Variants in SART3 observed in about 807,000 individuals in gnomAD.
SART3 encodes the protein HIV-1 Tat-interacting protein of 110kDa.
A neutral mutation model predicts 122.3 loss-of-function variants in SART3; 44 were observed. That is an observed-to-expected ratio of 0.36 (90% CI 0.28 to 0.46). The LOEUF (loss-of-function observed/expected upper bound fraction) is 0.46, where lower values mean the gene tolerates loss of function less well. Ranked by LOEUF, SART3 falls within the 20% of genes least tolerant of loss-of-function variation. The pLI, the probability that SART3 is intolerant of heterozygous loss-of-function variation, is 1.00. For synonymous variants in SART3, 442 were observed against 454.0 expected (o/e 0.97, Z 0.34); for missense variants, 1,101 against 1,229.0 (o/e 0.90, Z 1.56).
Position 108,523,162 on chromosome 12 carries a change from G to T in SART3, c.*295C>A, listed in dbSNP as rs1169305329. On this transcript the variant is annotated 3_prime_UTR_variant, in exon 19 of 19. Transcript: ENST00000546815. ...TGGACAACTGTGTCTCAAAAACAGTGTGTTCTCGTTTCGCTTCTGTGCCTC... is the reference window on the plus strand; with the variant it reads ...TGGACAACTGTGTCTCAAAAACAGTTTGTTCTCGTTTCGCTTCTGTGCCTC... 2.0e-6 allele frequency: 1 copy of T among 505,638 alleles called. No individual in the cohort carries two copies. The highest frequency in any genetic ancestry group is 1.9e-5 in the African/African-American group (1 of 51,996). The allele number at this position is 505,638 out of a possible 1,614,324, so 31.3% of individuals were successfully genotyped here. A position where few individuals can be genotyped will look rare whatever the true frequency, so the allele number is the denominator to read the frequency against.
In SART3 at chr12:108,532,319, G is replaced by T; in HGVS notation, c.1572C>A (p.Thr524=). ...YYNLERAHGD[T]QHCRKALHRA... is the part of the protein sequence containing the mutation. The stretch of plus-strand genomic sequence containing the variant: ...GGTGCAGAGCCTTCCGGCAGTGCTG[G>T]GTGTCACCATGAGCTCTAAGGCAGA... Residue 524 remains threonine, a synonymous_variant, in exon 13 of 19, where the codon ACC becomes ACA. Transcript: ENST00000546815. The T allele has an allele frequency of 6.2e-7, 1 of 1,613,976 alleles. No individual in the cohort carries two copies.
rs1872333753 is a variant in SART3 at position 108,525,593 on chromosome 12, G to A, written c.2387C>T (p.Thr796Ile). ...GAACAGCTTGTGTTTCTCTAGGGAA[G>A]TGCTGTACCTGAACACCTATAGGAA... ...NPDFKVFRYS[T>I]SLEKHKLFIS... is the part of the protein sequence containing the mutation. The change falls in exon 17 of 19, where the codon ACT becomes ATT. Residue 796 changes from threonine to isoleucine, a missense_variant. By Grantham distance (89) the Thr-to-Ile change is moderately conservative. Transcript: ENST00000546815. The A allele has an allele frequency of 3.7e-6, 6 of 1,614,146 alleles. No homozygotes were observed. Among genetic ancestry groups the A allele is most frequent in the Non-Finnish European group, 5.1e-6 (6 of 1,179,992 alleles).
intron 14 of SART3, 55 bp from the exon 15 acceptor site, chr12:108,530,365 C>A (rs1872621103): frequency 3.1e-6 from 5 of 1,588,900 alleles, no homozygotes; most frequent in Middle Eastern, 1.8e-4. Context: ...ATTCACTGTA[C>A]TGATTTGTCA....
intron 18 of SART3, 74 bp from the exon 19 acceptor site, chr12:108,523,708 C>A: frequency 1.5e-6 from 2 of 1,318,572 alleles, no homozygotes; most frequent in Non-Finnish European, 2.2e-6. Flanking sequence ...GAAAATAAGC[C>A]AAGACAGTTT....
intron 17 of SART3, among the ~76,000 whole-genome samples, 177 bp downstream of exon 17, chr12:108,525,280 G>A (rs1399438615): frequency 6.6e-6 from 1 of 152,226 alleles, no homozygotes; most frequent in Non-Finnish European, 1.5e-5. Context: ...CTACAAACAG[G>A]TTAATCTGAC....
chr12:108,558,619 C>T (rs1262903946), intron 1 of SART3, among the ~76,000 whole-genome samples: 1 of 152,152 alleles, frequency 6.6e-6, no homozygotes, highest in Non-Finnish European at 1.5e-5. Context: ...ATCGAAAGGC[C>T]CAGGACTAGC....
At chr12:108,531,695 C>T in intron 13 of SART3, 1 of 259,226 alleles carries the variant, frequency 3.9e-6, no homozygotes, top group Non-Finnish European at 7.5e-6. Context: ...CAGATAAGTT[C>T]ACATTATTTT....
chr12:108,549,500 G>C (rs949887506), intron 1 of SART3, among the ~76,000 whole-genome samples: 14 of 152,098 alleles, frequency 9.2e-5, no homozygotes, highest in Admixed American at 8.5e-4. Context: ...CAAATAAAAA[G>C]TATGTGACCT....
chr12:108,559,938 C>T (rs1000037162), intron 1 of SART3, among the ~76,000 whole-genome samples: 9 of 152,192 alleles, frequency 5.9e-5, no homozygotes, highest in African/African-American at 2.2e-4. Context: ...AAGTTATCAG[C>T]AGGTCTCAGG....
Position 108,526,182 on chromosome 12 carries a change from G to C in SART3, c.2287C>G (p.Leu763Val). ...FKEEKSALQA[L>V]EMDRKSVEGR... Reference sequence around the variant, plus strand: ...TCTACACTTTTCCGGTCCATCTCCAGTGCCTGAAGGGCTGATTTCTCTTCT... The same window carrying C: ...TCTACACTTTTCCGGTCCATCTCCACTGCCTGAAGGGCTGATTTCTCTTCT... The change falls in exon 16 of 19, where the codon CTG becomes GTG. Residue 763 changes from leucine (L) to valine (V), a missense_variant. Physicochemically the swap from Leu to Val is conservative, Grantham distance 32. This residue lies in a region of SART3 where 885 missense variants were observed against 1,080.1 expected (regional missense o/e 0.82). Coordinates refer to ENST00000546815, the MANE Select transcript of SART3 (RefSeq NM_014706.4). 6.2e-7 allele frequency: 1 copy of C among 1,614,210 alleles called. No homozygotes were observed.
At chr12:108,526,597 T>G in intron 15 of SART3, 44 bp from the exon 16 acceptor site, 1 of 1,597,106 alleles carries the variant, frequency 6.3e-7, no homozygotes, top group Non-Finnish European at 8.5e-7. Flanking sequence ...AACTGTTACT[T>G]CTCTTCAGGG....
At chr12:108,524,238 CG>C in intron 18 of SART3, 77 bp downstream of exon 18, 1 of 1,217,648 alleles carries the variant, frequency 8.2e-7, no homozygotes, top group Admixed American at 1.7e-5. Flanking sequence ...TAATTCATCC[CG>C]GGTTAATCCC....
intron 1 of SART3, among the ~76,000 whole-genome samples, chr12:108,555,378 G>A (rs900075529): frequency 2.0e-5 from 3 of 152,176 alleles, no homozygotes; most frequent in Non-Finnish European, 4.4e-5. Context: ...AGATATTAAA[G>A]ACTTGGCCGG....
chr12:108,527,501 A>C (rs544835816), intron 15 of SART3, among the ~76,000 whole-genome samples: 1 of 152,258 alleles, frequency 6.6e-6, no homozygotes, highest in African/African-American at 2.4e-5. Flanking sequence ...CACCAGTATT[A>C]ACAATGCCAT....
At chr12:108,526,652 G>C in intron 15 of SART3, 99 bp from the exon 16 acceptor site, 1 of 1,274,470 alleles carries the variant, frequency 7.8e-7, no homozygotes, top group Non-Finnish European at 1.1e-6. Context: ...ACAGCTGCAT[G>C]TGACACTTAC....
chr12:108,560,847 T>C lies in SART3; in HGVS notation c.308A>G (p.Glu103Gly). The change falls in exon 1 of 19, where the codon GAG becomes GGG. Residue 103 changes from glutamate (E) to glycine (G), a missense_variant. Coordinates refer to ENST00000546815, the MANE Select transcript of SART3 (RefSeq NM_014706.4). ...GCTGCCCACCCCCGGGCCCACCTGC[T>C]CCTCCAGTCTCTCAATCTCCAGCTG... ...KNQLEIERLE[E>G]QLSINVYDYN... is the part of the protein sequence containing the mutation. The C allele has an allele frequency of 6.3e-7, 1 of 1,583,722 alleles. No individual in the cohort carries two copies. The highest frequency in any genetic ancestry group is 8.6e-7 in the Non-Finnish European group (1 of 1,159,868).
intron 12 of SART3, chr12:108,532,577 T>C: frequency 2.2e-6 from 1 of 452,204 alleles, no homozygotes; most frequent in Non-Finnish European, 4.1e-6. Context: ...GTGTACCTGA[T>C]ATTGTGATCT....
intron 13 of SART3, 51 bp from the exon 14 acceptor site, chr12:108,531,331 C>T (rs1253209225): frequency 1.4e-6 from 2 of 1,448,354 alleles, no homozygotes; most frequent in East Asian, 2.3e-5. Flanking sequence ...TTGAAGGATA[C>T]AATCACATAA....
At chr12:108,536,469 TAAAC>T in intron 11 of SART3, 41 bp downstream of exon 11, 1 of 1,583,722 alleles carries the variant, frequency 6.3e-7, no homozygotes, top group Admixed American at 1.7e-5. Context: ...AGGATGCTAT[TAAAC>T]AATGATGGAT....
Sources: allele counts gnomAD v4.1 joint callset (sites outside exome capture counted in the v4.1 genomes callset), GRCh38; gene constraint gnomAD v4.1.1; regional missense constraint gnomAD v4.1.1; transcripts MANE v1.5; gene names NCBI Gene and HGNC (gene_info 2026-07-23, HGNC 2026-07-21).